PEPD: variants seen among roughly 807,000 people sequenced by gnomAD.
The protein encoded by PEPD is peptidase D.
Under a neutral mutation model 60.7 loss-of-function variants are expected in PEPD, and 53 were observed. The observed-to-expected ratio is 0.87, with a 90% CI of 0.70 to 1.10. PEPD has a LOEUF of 1.10. Ranked by LOEUF, PEPD falls within the 50% of genes least tolerant of loss-of-function variation. The probability of loss-of-function intolerance (pLI) is 0.00; values close to 1 mark genes in which losing one functional copy is unlikely to be tolerated. For synonymous variants in PEPD, 267 were observed against 284.1 expected, an observed-to-expected ratio of 0.94 and a Z score of 0.60; for missense variants, 711 against 711.9, an observed-to-expected ratio of 1.00 and a Z score of 0.01.
At chr19:33,496,495 TC>T (rs1970605524) in intron 4 of PEPD, among the ~76,000 whole-genome samples, 1 of 152,106 alleles carries the variant, frequency 6.6e-6, no homozygotes, top group South Asian at 2.1e-4. Flanking sequence ...CACCCGCCCT[TC>T]CCCATGGAGA....
intron 2 of PEPD, 85 bp downstream of exon 2, chr19:33,512,508 T>G: frequency 7.3e-7 from 1 of 1,363,124 alleles, no homozygotes; most frequent in Non-Finnish European, 1.0e-6. Flanking sequence ...GGGGCAGCAC[T>G]GGCCAAGCTG....
intron 2 of PEPD, among the ~76,000 whole-genome samples, chr19:33,512,213 ATT>A (rs1031863411): frequency 6.6e-6 from 1 of 152,138 alleles, no homozygotes; most frequent in Non-Finnish European, 1.5e-5. Context: ...TTGGCAAGTC[ATT>A]TCCCCTCTGA....
At chr19:33,401,284 G>A (rs553631923) in intron 12 of PEPD, among the ~76,000 whole-genome samples, 7 of 152,210 alleles carry the variant, frequency 4.6e-5, no homozygotes, top group Non-Finnish European at 1.0e-4. Flanking sequence ...ATTTACAGAT[G>A]TGGAAACGGC....
intron 9 of PEPD, among the ~76,000 whole-genome samples, chr19:33,448,639 T>C (rs1208617732): frequency 1.3e-5 from 2 of 152,196 alleles, no homozygotes; most frequent in African/African-American, 2.4e-5. Context: ...TTCTCATTTA[T>C]GAAAGAACCA....
rs181508865 is a variant in PEPD at position 33,492,887 on chromosome 19, T to C, written c.441+403A>G. Among the ~76,000 whole-genome samples the C allele has an allele frequency of 2.2e-3, 340 of 152,290 alleles. 1 individual carries two copies. The highest frequency in any genetic ancestry group is 0.02 in the South Asian group (97 of 4,822). On this transcript the variant is annotated intron_variant, in intron 5 of 14. Transcript: ENST00000244137. ...GACCATTCCTCTTGGTTTATTTTTT[T>C]CTTTTTTTGAGACAGGGTCCTGTCT...
At chr19:33,457,545 G>A (rs1167552467) in intron 9 of PEPD, among the ~76,000 whole-genome samples, 3 of 152,170 alleles carry the variant, frequency 2.0e-5, no homozygotes, top group Admixed American at 6.5e-5. Context: ...ATTTTGAGAT[G>A]GAGTCTCGCT....
At chr19:33,399,586 G>A (rs1044101206) in intron 12 of PEPD, among the ~76,000 whole-genome samples, 4 of 152,140 alleles carry the variant, frequency 2.6e-5, no homozygotes, top group Non-Finnish European at 4.4e-5. Context: ...CATCTGCAAA[G>A]GCCTGCCCAC....
At chr19:33,398,169 G>A (rs1258643253) in intron 12 of PEPD, among the ~76,000 whole-genome samples, 1 of 152,222 alleles carries the variant, frequency 6.6e-6, no homozygotes, top group East Asian at 1.9e-4. Flanking sequence ...GCTACCTCTG[G>A]CACCCTGATG....
At chr19:33,493,897 C>A (rs1268214265) in intron 4 of PEPD, among the ~76,000 whole-genome samples, 1 of 152,214 alleles carries the variant, frequency 6.6e-6, no homozygotes, top group Non-Finnish European at 1.5e-5. Flanking sequence ...CAGTTACTTC[C>A]CGGCCCAAGC....
At chr19:33,503,189 G>A (rs543564192) in intron 3 of PEPD, among the ~76,000 whole-genome samples, 1 of 152,306 alleles carries the variant, frequency 6.6e-6, no homozygotes, top group South Asian at 2.1e-4. Context: ...AAACCAGGAA[G>A]TACTGGCCAC....
In PEPD at chr19:33,388,274, C is replaced by T. The variant is rs568047028; in HGVS notation, c.1153-193G>A. 7 of 697,628 alleles carry T rather than the reference C, an allele frequency of 1.0e-5. No individual in the cohort carries two copies. In the East Asian group the frequency reaches 1.9e-4, roughly 19 times the overall value. 43.2% of individuals were successfully genotyped at this position (697,628 alleles called of 1,614,324 possible). A position where few individuals can be genotyped will look rare whatever the true frequency, so the allele number is the denominator to read the frequency against. On this transcript the variant is annotated intron_variant, in intron 13 of 14. Coordinates refer to ENST00000244137, the MANE Select transcript of PEPD (RefSeq NM_000285.4). ...TAAGACCTTCCACCCTGCACATACC[C>T]CTGGATCTTGAGTGTCCCTGGCCAC...
intron 13 of PEPD, 59 bp downstream of exon 13, chr19:33,391,236 G>A (rs918464116): frequency 7.2e-7 from 1 of 1,393,644 alleles, no homozygotes; most frequent in African/African-American, 1.4e-5. Flanking sequence ...CCTGCCCTGG[G>A]GGTCAGGCTC....
chr19:33,391,581 A>T, intron 12 of PEPD, 102 bp from the exon 13 acceptor site: 2 of 1,093,032 alleles, frequency 1.8e-6, no homozygotes, highest in Non-Finnish European at 2.7e-6. Context: ...CTGTGGTGGG[A>T]GGGCCTGAGG....
Position 33,463,997 on chromosome 19 carries a change from G to T in PEPD, c.614C>A (p.Ala205Asp). 1 of 1,609,064 alleles carries T rather than the reference G, an allele frequency of 6.2e-7. No individual in the cohort carries two copies. The highest frequency in any genetic ancestry group is 8.5e-7 in the Non-Finnish European group (1 of 1,176,590). Reference protein sequence around the residue: ...LRYTNKISSEAHREVMKAVKV... With the variant: ...LRYTNKISSEDHREVMKAVKV... ...CGGTGCCTGACTTACCTCACGGTGG[G>T]CCTCGCTGGAGATTTTATTGGTATA... Residue 205 changes from alanine to aspartate, a missense_variant, in exon 8 of 15, where the codon GCC becomes GAC. By Grantham distance (126) the Ala-to-Asp change is moderately radical. Coordinates refer to ENST00000244137, the MANE Select transcript of PEPD (RefSeq NM_000285.4).
At chr19:33,506,230 CCA>C (rs1970805167) in intron 3 of PEPD, among the ~76,000 whole-genome samples, 1 of 141,726 alleles carries the variant, frequency 7.1e-6, no homozygotes, top group Admixed American at 7.0e-5. Flanking sequence ...ACACACACAC[CCA>C]CACACAAGAC....
rs1970948479 is a variant in PEPD at position 33,512,613 on chromosome 19, T to C, written c.181A>G (p.Thr61Ala). ...CTCACCTGGCGGAAGAGGACCCCGG[T>C]GTCGGTGCAGTAGCGCTGAGTCTCC... Reference protein sequence around the residue: ...GEETQRYCTDTGVLFRQESFF... With the variant: ...GEETQRYCTDAGVLFRQESFF... The change falls in exon 2 of 15, where the codon ACC (threonine) becomes GCC (alanine). Residue 61 changes from threonine (T) to alanine (A), a missense_variant. Physicochemically the swap from Thr to Ala is moderately conservative, Grantham distance 58. Coordinates refer to ENST00000244137, the MANE Select transcript of PEPD (RefSeq NM_000285.4). The C allele has an allele frequency of 6.2e-7, 1 of 1,613,764 alleles. No individual in the cohort carries two copies. Among genetic ancestry groups the C allele is most frequent in the Non-Finnish European group, 8.5e-7 (1 of 1,179,978 alleles).
At chr19:33,499,321 C>T (rs1313938469) in intron 4 of PEPD, among the ~76,000 whole-genome samples, 1 of 152,106 alleles carries the variant, frequency 6.6e-6, no homozygotes, top group Non-Finnish European at 1.5e-5. Flanking sequence ...AGAGACAGGC[C>T]CCCGTGGCCC....
chr19:33,486,126 T>C (rs1416154091), intron 6 of PEPD, among the ~76,000 whole-genome samples: 3 of 152,096 alleles, frequency 2.0e-5, no homozygotes, highest in African/African-American at 7.2e-5. Flanking sequence ...AGATCTACCA[T>C]GTCTGACTTT....
intron 9 of PEPD, among the ~76,000 whole-genome samples, chr19:33,453,822 G>A (rs1969747178): frequency 6.6e-6 from 1 of 152,162 alleles, no homozygotes; most frequent in East Asian, 1.9e-4. Context: ...TTATCAATGT[G>A]CCCAAGCTGG....
Sources: gnomAD v4.1 joint callset for allele counts (sites outside exome capture counted in the v4.1 genomes callset) on GRCh38, gnomAD v4.1.1 for gene constraint, MANE v1.5 for transcripts, NCBI Gene and HGNC (gene_info 2026-07-23, HGNC 2026-07-21) for gene names.